The following GALNT1 variants were observed in gnomAD, a reference collection of about 807,000 sequenced individuals.
GALNT1 encodes the protein polypeptide N-acetylgalactosaminyltransferase 1.
GALNT1 carries 17 observed loss-of-function variants against 65.7 expected under a neutral mutation model. The observed-to-expected ratio is 0.26, with a 90% CI of 0.18 to 0.39. The LOEUF is 0.39. Ranked by LOEUF, GALNT1 falls within the 10% of genes least tolerant of loss-of-function variation. The pLI is 1.00. For synonymous variants in GALNT1, 210 were observed against 219.7 expected, an observed-to-expected ratio of 0.96 and a Z score of 0.39; for missense variants, 460 against 672.8, an observed-to-expected ratio of 0.68 and a Z score of 3.50.
At chr18:35,606,152 G>T (rs1428332921) in intron 1 of GALNT1, among the ~76,000 whole-genome samples, 1 of 152,126 alleles carries the variant, frequency 6.6e-6, no homozygotes, top group Non-Finnish European at 1.5e-5. Flanking sequence ...CTTGATTGTT[G>T]CCAGCACCAT....
intron 1 of GALNT1, among the ~76,000 whole-genome samples, chr18:35,614,820 C>T (rs879920458): frequency 1.3e-5 from 2 of 151,736 alleles, no homozygotes; most frequent in Non-Finnish European, 1.5e-5. Context: ...TCTAAACTAG[C>T]AGCATACAAT....
At chr18:35,682,396 G>A (rs1038555954) in intron 4 of GALNT1, among the ~76,000 whole-genome samples, 3 of 152,028 alleles carry the variant, frequency 2.0e-5, no homozygotes, top group African/African-American at 7.2e-5. Context: ...TTAATTAATA[G>A]ATATGAGGAT....
At chr18:35,581,501 C>T (rs2046312904), upstream of GALNT1, among the ~76,000 whole-genome samples, 1 of 139,406 alleles carries the variant, frequency 7.2e-6, no homozygotes, top group Non-Finnish European at 1.6e-5. Context: ...CCGCCGAGCA[C>T]GCAGCGCAGG....
chr18:35,673,878 A>G (rs186574024), intron 3 of GALNT1, among the ~76,000 whole-genome samples: 1 of 152,328 alleles, frequency 6.6e-6, no homozygotes, highest in East Asian at 1.9e-4. Flanking sequence ...TCATTAGACA[A>G]TTTTGTCATT....
intron 1 of GALNT1, among the ~76,000 whole-genome samples, chr18:35,602,146 G>T (rs1000039314): frequency 6.6e-6 from 1 of 150,430 alleles, no homozygotes; most frequent in South Asian, 2.1e-4. Context: ...GGTCATCTGG[G>T]TTGGTAATTT....
At chr18:35,656,052 G>C (rs1236886292) in intron 2 of GALNT1, among the ~76,000 whole-genome samples, 1 of 152,196 alleles carries the variant, frequency 6.6e-6, no homozygotes, top group African/African-American at 2.4e-5. Context: ...ACTGTTGCTA[G>C]AACTGTATTC....
At position 35,628,915 on chromosome 18, in the gene GALNT1, C is replaced by T. The variant is rs141258775; in HGVS notation, c.-103-25645C>T. On this transcript the variant is annotated intron_variant, in intron 1 of 11. Transcript: ENST00000269195. ...AAACCACAGCACGAGAACTACATGACGAATGCGCAAGCTTCAGTAGCTGAT... is the reference window on the plus strand; with the variant it reads ...AAACCACAGCACGAGAACTACATGATGAATGCGCAAGCTTCAGTAGCTGAT... Among the ~76,000 whole-genome samples, 100 of 152,220 alleles carry T rather than the reference C, an allele frequency of 6.6e-4. 3 individuals are homozygous for T. In the East Asian group the frequency reaches 0.011, roughly 17 times the overall value.
intron 1 of GALNT1, among the ~76,000 whole-genome samples, chr18:35,642,977 C>T (rs770451989): frequency 3.9e-5 from 6 of 151,910 alleles, no homozygotes; most frequent in Non-Finnish European, 5.9e-5. Flanking sequence ...TGTGACTGAG[C>T]GCAGTCCTAG....
rs530236761 is a variant in GALNT1 at position 35,703,625 on chromosome 18, C to G, written c.1515C>G (p.Leu505=). Residue 505 remains leucine (L), a synonymous_variant, in exon 11 of 12, where the codon CTC becomes CTG. Coordinates refer to ENST00000269195, the MANE Select transcript of GALNT1 (RefSeq NM_020474.4). ...LKCHHLKGNQ[L]WEYDPVKLTL... is the part of the protein sequence containing the mutation. Reference sequence around the variant, plus strand: ...GCCACCACCTAAAAGGCAACCAACTCTGGGAGTATGACCCAGTGGTAAGTT... The same window carrying G: ...GCCACCACCTAAAAGGCAACCAACTGTGGGAGTATGACCCAGTGGTAAGTT... The G allele has an allele frequency of 6.2e-7, 1 of 1,613,960 alleles. No homozygotes were observed. Among genetic ancestry groups the G allele is most frequent in the Non-Finnish European group, 8.5e-7 (1 of 1,179,938 alleles).
intron 1 of GALNT1, among the ~76,000 whole-genome samples, chr18:35,602,342 G>A (rs529418566): frequency 6.6e-6 from 1 of 152,220 alleles, no homozygotes; most frequent in African/African-American, 2.4e-5. Flanking sequence ...TCTTGGGGTA[G>A]CGTTATTTGG....
chr18:35,632,229 C>A (rs1262024314), intron 1 of GALNT1, among the ~76,000 whole-genome samples: 1 of 152,188 alleles, frequency 6.6e-6, no homozygotes, highest in Non-Finnish European at 1.5e-5. Context: ...CAAAAAAGAG[C>A]CCACATTGTC....
chr18:35,614,156 TG>T (rs2046753033), intron 1 of GALNT1, among the ~76,000 whole-genome samples: 1 of 152,178 alleles, frequency 6.6e-6, no homozygotes, highest in Non-Finnish European at 1.5e-5. Context: ...ATGCTTAATA[TG>T]TTTAGAGAGT....
At chr18:35,593,097 T>C (rs1351467340) in intron 1 of GALNT1, among the ~76,000 whole-genome samples, 1 of 152,174 alleles carries the variant, frequency 6.6e-6, no homozygotes, top group Admixed American at 6.5e-5. Context: ...GGATGCTGCA[T>C]GTCTGGGACT....
chr18:35,611,333 T>A (rs553327039), intron 1 of GALNT1, among the ~76,000 whole-genome samples: 1 of 152,306 alleles, frequency 6.6e-6, no homozygotes, highest in South Asian at 2.1e-4. Flanking sequence ...GCAGGAATAC[T>A]GTGTGAGAGA....
chr18:35,695,268 T>TG (rs1314950358), intron 9 of GALNT1, among the ~76,000 whole-genome samples: 3 of 108,626 alleles, frequency 2.8e-5, no homozygotes, highest in African/African-American at 1.1e-4. Context: ...TAGAGGGTGT[T>TG]GGGTGGGGGT....
chr18:35,642,967 T>C (rs1568022221), intron 1 of GALNT1, among the ~76,000 whole-genome samples: 1 of 151,904 alleles, frequency 6.6e-6, no homozygotes, highest in African/African-American at 2.4e-5. Context: ...TCGGGGGCAG[T>C]GTGACTGAGC....
chr18:35,640,932 A>G, intron 1 of GALNT1, among the ~76,000 whole-genome samples: 1 of 152,316 alleles, frequency 6.6e-6, no homozygotes, highest in South Asian at 2.1e-4. Flanking sequence ...AAAACATTAT[A>G]ATGATTTCTA....
At chr18:35,667,403 C>G (rs895283074) in intron 3 of GALNT1, among the ~76,000 whole-genome samples, 4 of 151,888 alleles carry the variant, frequency 2.6e-5, no homozygotes, top group Non-Finnish European at 5.9e-5. Context: ...CAAGCAAAGA[C>G]AAAACATTTC....
At chr18:35,597,702 A>G (rs943795559) in intron 1 of GALNT1, 1 of 152,428 alleles carries the variant, frequency 6.6e-6, no homozygotes, top group Non-Finnish European at 1.5e-5. Context: ...ATCATGAATT[A>G]GTTAATACTT....
Sources: allele counts gnomAD v4.1 joint callset (sites outside exome capture counted in the v4.1 genomes callset), GRCh38; gene constraint gnomAD v4.1.1; transcripts MANE v1.5; gene names NCBI Gene and HGNC (gene_info 2026-07-23, HGNC 2026-07-21).